CAPN2: variants seen among roughly 807,000 people sequenced by gnomAD.
CAPN2 encodes calpain-2 catalytic subunit.
Under a neutral mutation model 102.3 loss-of-function variants are expected in CAPN2, and 92 were observed. The observed-to-expected ratio is 0.90, with a 90% CI of 0.76 to 1.07. The LOEUF (loss-of-function observed/expected upper bound fraction) is 1.07, where lower values mean the gene tolerates loss of function less well. CAPN2 is among the 50% of genes least tolerant of loss of function. CAPN2 has a pLI of 0.00. For synonymous variants in CAPN2, 340 were observed against 355.4 expected, an observed-to-expected ratio of 0.96 and a Z score of 0.49; for missense variants, 800 against 909.4, an observed-to-expected ratio of 0.88 and a Z score of 1.55.
chr1:223,750,597 T>C (rs1384088081), intron 6 of CAPN2, among the ~76,000 whole-genome samples: 4 of 152,230 alleles, frequency 2.6e-5, no homozygotes, highest in Non-Finnish European at 5.9e-5. Context: ...AAGCGCATCC[T>C]GTCAGTTAAG....
intron 2 of CAPN2, among the ~76,000 whole-genome samples, chr1:223,721,419 C>G (rs1660048744): frequency 6.6e-6 from 1 of 152,224 alleles, no homozygotes; most frequent in East Asian, 1.9e-4. Context: ...ACTGAGCTTT[C>G]CCCACAGCCT....
chr1:223,770,319 G>A, intron 17 of CAPN2, 128 bp from the exon 18 acceptor site: 2 of 640,270 alleles, frequency 3.1e-6, no homozygotes, highest in East Asian at 2.7e-5. Context: ...AAACATAAGT[G>A]ATTCTTCCAC....
intron 1 of CAPN2, among the ~76,000 whole-genome samples, chr1:223,713,992 C>T (rs1443925391): frequency 6.6e-6 from 1 of 152,194 alleles, no homozygotes; most frequent in East Asian, 1.9e-4. Flanking sequence ...TTCAGTCTCT[C>T]AAAGAGCCGG....
At chr1:223,774,800 C>A in intron 20 of CAPN2, 34 bp from the exon 21 acceptor site, 1 of 1,605,722 alleles carries the variant, frequency 6.2e-7, no homozygotes, top group Non-Finnish European at 8.5e-7. Flanking sequence ...TAAAAGTGGT[C>A]ACTGAGCTGA....
At chr1:223,768,015 T>C (rs1661380117) in intron 16 of CAPN2, among the ~76,000 whole-genome samples, 1 of 150,334 alleles carries the variant, frequency 6.7e-6, no homozygotes, top group Non-Finnish European at 1.5e-5. Flanking sequence ...TTCATGTCCT[T>C]TGCCCACTTT....
rs1415293744 is a variant in CAPN2, at chr1:223,772,245, TC to T, written c.2079+7del. On this transcript the variant is annotated splice_region_variant and intron_variant, in intron 20 of 20. Coordinates refer to ENST00000295006, the MANE Select transcript of CAPN2 (RefSeq NM_001748.5). ...TAGAGCTCGACCTTATCTCTGTGAG[TC>T]AGCAGGCCCCGCCTTGCTTCTAAGG... 6.2e-7 allele frequency: 1 copy of T among 1,613,356 alleles called. No homozygotes were observed. Among genetic ancestry groups the T allele is most frequent in the Non-Finnish European group, 8.5e-7 (1 of 1,179,440 alleles).
Position 223,712,806 on chromosome 1 carries a change from T to C in CAPN2, c.166T>C (p.Ser56Pro). 6.3e-7 allele frequency: 1 copy of C among 1,578,796 alleles called. No individual in the cohort carries two copies. Among genetic ancestry groups the C allele is most frequent in the East Asian group, 2.4e-5 (1 of 41,516 alleles). Residue 56 changes from serine (S) to proline (P), a missense_variant, in exon 1 of 21, where the codon TCG becomes CCG. Transcript: ENST00000295006. ...GGACCCGTCCTTCCCGGCCATCCCC[T>C]CGGCCCTGGGCTTCAAGGAGTTGGG... ...FQDPSFPAIP[S>P]ALGFKELGPY...
chr1:223,771,733 T>G, intron 18 of CAPN2, 76 bp from the exon 19 acceptor site: 1 of 915,634 alleles, frequency 1.1e-6, no homozygotes, highest in Admixed American at 1.8e-5. Flanking sequence ...ACCACATTAG[T>G]TTCATAGCCT....
intron 1 of CAPN2, 102 bp from the exon 2 acceptor site, chr1:223,717,660 A>G: frequency 3.5e-6 from 3 of 852,882 alleles, no homozygotes; most frequent in East Asian, 2.5e-5. Context: ...AGGGGAGGGG[A>G]AGGGGAGAAG....
At chr1:223,733,211 C>T (rs1186823295) in intron 2 of CAPN2, among the ~76,000 whole-genome samples, 1 of 152,070 alleles carries the variant, frequency 6.6e-6, no homozygotes, top group Non-Finnish European at 1.5e-5. Flanking sequence ...CACTCCCCCT[C>T]CCCTGGCTCC....
Position 223,770,440 on chromosome 1 carries a change from G to A in CAPN2, c.1825-7G>A. ...CATAGTTCTTACAGCTAACTTATGT[G>A]TTCCAGAAAATTTACCGAGAAATCG... is the stretch of plus-strand genomic sequence containing the variant. On this transcript the variant is annotated splice_polypyrimidine_tract_variant and splice_region_variant and intron_variant, in intron 17 of 20. Transcript: ENST00000295006. The A allele has an allele frequency of 6.2e-7, 1 of 1,610,558 alleles. No individual in the cohort carries two copies. The highest frequency in any genetic ancestry group is 8.5e-7 in the Non-Finnish European group (1 of 1,176,902).
At chr1:223,758,319 CG>C (rs1661090417) in intron 11 of CAPN2, 1 of 152,194 alleles carries the variant, frequency 6.6e-6, no homozygotes, top group Non-Finnish European at 1.5e-5. Flanking sequence ...AGTAGACACA[CG>C]GGGCACTTTG....
At position 223,717,764 on chromosome 1, in the gene CAPN2, G is replaced by T. The variant is rs1659916420; in HGVS notation, c.240G>T (p.Glu80Asp). 6.2e-7 allele frequency: 1 copy of T among 1,613,944 alleles called. No individual in the cohort carries two copies. The highest frequency in any genetic ancestry group is 8.5e-7 in the Non-Finnish European group (1 of 1,179,798). The change falls in exon 2 of 21, where the codon GAG becomes GAT. Residue 80 changes from glutamate to aspartate, a missense_variant and splice_region_variant. By Grantham distance (45) the Glu-to-Asp change is conservative. Transcript: ENST00000295006. ...TRGIEWKRPT[E>D]ICADPQFIIG... ...CACTTTGTGGGTCTCGTTCCCAGGA[G>T]ATCTGCGCTGACCCCCAGTTTATCA...
chr1:223,716,947 A>G (rs767757596), intron 1 of CAPN2, among the ~76,000 whole-genome samples: 20 of 152,128 alleles, frequency 1.3e-4, no homozygotes, highest in Non-Finnish European at 7.4e-5. Flanking sequence ...GTAAGTTCCA[A>G]TGCCAGTGCT....
rs779975582 is a variant in CAPN2, at chr1:223,762,269, C to T, written c.1632+18C>T. ...CAGGAGAGGTAAATGTTCCCAAAAA[C>T]GATGTTATGCACTCTGGTTGATGCA... On this transcript the variant is annotated intron_variant, in intron 14 of 20. Coordinates refer to ENST00000295006, the MANE Select transcript of CAPN2 (RefSeq NM_001748.5). 10 of 1,588,706 alleles carry T rather than the reference C, an allele frequency of 6.3e-6. No homozygotes were observed. The highest frequency in any genetic ancestry group is 5.0e-5 in the Admixed American group (3 of 59,986).
chr1:223,722,977 T>A (rs1005146652), intron 2 of CAPN2, among the ~76,000 whole-genome samples: 3 of 152,180 alleles, frequency 2.0e-5, no homozygotes, highest in Admixed American at 6.5e-5. Context: ...CTTGACAGTT[T>A]TGGGGAATAT....
upstream of CAPN2, among the ~76,000 whole-genome samples, chr1:223,708,294 G>T (rs1659655716): frequency 6.6e-6 from 1 of 152,100 alleles, no homozygotes; most frequent in South Asian, 2.1e-4. Flanking sequence ...AGAGATGGAG[G>T]ATGTCAAATA....
At chr1:223,751,265 A>G (rs533138363) in intron 7 of CAPN2, among the ~76,000 whole-genome samples, 3 of 151,994 alleles carry the variant, frequency 2.0e-5, no homozygotes, top group Non-Finnish European at 2.9e-5. Flanking sequence ...CCACCCTTCT[A>G]TGGGGCTTTC....
intron 2 of CAPN2, among the ~76,000 whole-genome samples, chr1:223,720,761 C>T (rs1660030468): frequency 6.6e-6 from 1 of 151,922 alleles, no homozygotes; most frequent in Admixed American, 6.6e-5. Flanking sequence ...CCTCACTGTA[C>T]AGATAAAAAA....
Sources: allele counts gnomAD v4.1 joint callset (sites outside exome capture counted in the v4.1 genomes callset), GRCh38; gene constraint gnomAD v4.1.1; transcripts MANE v1.5; gene names NCBI Gene and HGNC (gene_info 2026-07-23, HGNC 2026-07-21).